XXYLT1: variants seen among roughly 807,000 people sequenced by gnomAD.
XXYLT1 encodes xyloside xylosyltransferase 1.
Under a neutral mutation model 28.9 loss-of-function variants are expected in XXYLT1, and 20 were observed. That is an observed-to-expected ratio of 0.69 (90% CI 0.49 to 1.00). The LOEUF is 1.00. Ranked by LOEUF, XXYLT1 falls within the 50% of genes least tolerant of loss-of-function variation. The pLI, the probability that XXYLT1 is intolerant of heterozygous loss-of-function variation, is 0.00. For missense variants in XXYLT1, 542 were observed against 560.1 expected (o/e 0.97, Z 0.33); for synonymous variants, 257 against 253.8 (o/e 1.01, Z -0.12).
chr3:195,094,845 C>T (rs1271021829), intron 3 of XXYLT1, among the ~76,000 whole-genome samples: 3 of 152,252 alleles, frequency 2.0e-5, no homozygotes, highest in East Asian at 3.8e-4. Context: ...CTCCACCACG[C>T]ACCTGTTCTG....
chr3:195,087,772 G>C (rs1259483996), intron 3 of XXYLT1, among the ~76,000 whole-genome samples: 1 of 152,156 alleles, frequency 6.6e-6, no homozygotes, highest in African/African-American at 2.4e-5. Flanking sequence ...CTGAGGTACC[G>C]GGTTCATCTC....
intron 3 of XXYLT1, among the ~76,000 whole-genome samples, chr3:195,103,298 G>A (rs567410400): frequency 6.6e-6 from 1 of 151,420 alleles, no homozygotes; most frequent in South Asian, 2.1e-4. Flanking sequence ...GTGCAGGAAT[G>A]CACCCCCACA....
At chr3:195,103,860 T>C (rs1386086396) in intron 3 of XXYLT1, among the ~76,000 whole-genome samples, 2 of 152,224 alleles carry the variant, frequency 1.3e-5, no homozygotes, top group African/African-American at 4.8e-5. Flanking sequence ...GCTGGGGTCA[T>C]ATGCTTCTGA....
intron 2 of XXYLT1, among the ~76,000 whole-genome samples, chr3:195,187,423 C>G (rs1051107081): frequency 6.6e-6 from 1 of 152,080 alleles, no homozygotes; most frequent in African/African-American, 2.4e-5. Flanking sequence ...CTCTTGATAC[C>G]AGCCTCCACT....
intron 3 of XXYLT1, among the ~76,000 whole-genome samples, chr3:195,140,750 C>T (rs573615612): frequency 2.0e-5 from 3 of 152,270 alleles, no homozygotes; most frequent in South Asian, 2.1e-4. Context: ...TTCACTATCA[C>T]GAGAAGAGCA....
In XXYLT1 at chr3:195,119,121, C is replaced by CAAA. The variant is rs112040231; in HGVS notation, c.785+37325_785+37327dup. On this transcript the variant is annotated intron_variant, in intron 3 of 3. Transcript: ENST00000310380. ...TGAAACCCTGTCTCTACTAAAAATA[C>CAAA]AAAAAAAAAAAAATTAGCTGGGTGT... 4.0e-3 allele frequency among the ~76,000 whole-genome samples: 567 copies of CAAA among 140,310 alleles called. 5 individuals carry two copies. Among genetic ancestry groups the CAAA allele is most frequent in the African/African-American group, 0.013 (511 of 38,020 alleles). The allele number at this position is 140,310 out of a possible 152,430, so 92.0% of individuals were successfully genotyped here.
At chr3:195,083,111 C>A (rs548007089) in intron 3 of XXYLT1, among the ~76,000 whole-genome samples, 1 of 152,194 alleles carries the variant, frequency 6.6e-6, no homozygotes, top group Non-Finnish European at 1.5e-5. Context: ...CGGCCCCCAG[C>A]GTCTCTTCCT....
At chr3:195,214,719 C>T (rs1723484719) in intron 2 of XXYLT1, 2 of 152,178 alleles carry the variant, frequency 1.3e-5, no homozygotes, top group Non-Finnish European at 2.9e-5. Flanking sequence ...GCACGCACAT[C>T]CCCCTGCAGG....
chr3:195,151,617 CAATAAACAATTATTTAGTATA>C (rs1333846427), intron 3 of XXYLT1, among the ~76,000 whole-genome samples: 2 of 151,332 alleles, frequency 1.3e-5, no homozygotes, highest in East Asian at 3.9e-4. Context: ...TTTAGATAAA[CAATAAACAATTATTTAGTATA>C]AATAAACGAT....
At chr3:195,089,416 CA>C (rs1716005483) in intron 3 of XXYLT1, among the ~76,000 whole-genome samples, 5 of 152,070 alleles carry the variant, frequency 3.3e-5, no homozygotes, top group Admixed American at 3.3e-4. Flanking sequence ...ATTTCATATC[CA>C]GCCAAACTAA....
intron 3 of XXYLT1, among the ~76,000 whole-genome samples, chr3:195,119,005 C>A (rs545072495): frequency 6.6e-6 from 1 of 151,974 alleles, no homozygotes; most frequent in African/African-American, 2.4e-5. Flanking sequence ...AGCCCAGGCG[C>A]GGTGGCTCAT....
intron 2 of XXYLT1, among the ~76,000 whole-genome samples, chr3:195,170,519 G>A (rs1352755410): frequency 6.6e-6 from 1 of 152,164 alleles, no homozygotes; most frequent in Non-Finnish European, 1.5e-5. Context: ...ACTTCCAAAT[G>A]CATTTGTCAA....
intron 1 of XXYLT1, among the ~76,000 whole-genome samples, chr3:195,263,051 A>C (rs1288927624): frequency 6.6e-6 from 1 of 152,150 alleles, no homozygotes; most frequent in Admixed American, 6.5e-5. Flanking sequence ...AATCCATTGC[A>C]TTTCCAGGGT....
rs372365404 is a variant in XXYLT1, at chr3:195,256,415, G to A, written c.504+14140C>T. On this transcript the variant is annotated intron_variant, in intron 1 of 3. Coordinates refer to ENST00000310380, the MANE Select transcript of XXYLT1 (RefSeq NM_152531.5). The surrounding 1 kb of genome is among the most constrained non-coding windows in gnomAD (Gnocchi z 4.2). Reference sequence around the variant, plus strand: ...TCCCTCGCCCTCATGCTCCGCGCAGGCCTGAGGTGCGGCCCTGCACAGGGC... The same window carrying A: ...TCCCTCGCCCTCATGCTCCGCGCAGACCTGAGGTGCGGCCCTGCACAGGGC... 4 of 905,238 alleles carry A rather than the reference G, an allele frequency of 4.4e-6. No homozygotes were observed. The highest frequency in any genetic ancestry group is 1.8e-5 in the African/African-American group (1 of 55,618). The allele number at this position is 905,238 out of a possible 1,614,324, so 56.1% of individuals were successfully genotyped here.
chr3:195,163,257 T>A (rs972848733), intron 2 of XXYLT1, among the ~76,000 whole-genome samples: 6 of 152,224 alleles, frequency 3.9e-5, no homozygotes, highest in South Asian at 2.1e-4. Flanking sequence ...ATTTTGAGAT[T>A]CTTTATCAGA....
At chr3:195,265,338 G>C (rs1193377658) in intron 1 of XXYLT1, among the ~76,000 whole-genome samples, 1 of 151,264 alleles carries the variant, frequency 6.6e-6, no homozygotes, top group Non-Finnish European at 1.5e-5. Flanking sequence ...TTGCACTCCA[G>C]CCTGGGTGAC....
intron 1 of XXYLT1, among the ~76,000 whole-genome samples, chr3:195,237,938 C>G (rs1429696361): frequency 2.6e-5 from 4 of 152,108 alleles, no homozygotes; most frequent in Non-Finnish European, 4.4e-5. Flanking sequence ...CACCCCTGCC[C>G]CTGCGACCTC....
chr3:195,266,749 C>T (rs535870018), intron 1 of XXYLT1, among the ~76,000 whole-genome samples: 3 of 152,182 alleles, frequency 2.0e-5, no homozygotes, highest in Non-Finnish European at 4.4e-5. Flanking sequence ...CCAAGCCTGC[C>T]TCTGTAACTC....
At chr3:195,083,346 T>A (rs1715544951) in intron 3 of XXYLT1, among the ~76,000 whole-genome samples, 1 of 152,040 alleles carries the variant, frequency 6.6e-6, no homozygotes, top group Non-Finnish European at 1.5e-5. Flanking sequence ...CTCGAAAGAC[T>A]CCTCCCAGGC....
Sources: allele counts gnomAD v4.1 joint callset (sites outside exome capture counted in the v4.1 genomes callset), GRCh38; gene constraint gnomAD v4.1.1; non-coding constraint Gnocchi (gnomAD v3.1); transcripts MANE v1.5; gene names NCBI Gene and HGNC (gene_info 2026-07-23, HGNC 2026-07-21).